Variants in SCMH1 observed in about 807,000 individuals in gnomAD.
SCMH1 encodes Scm polycomb group protein homolog 1, also known as polycomb protein SCMH1.
Under a neutral mutation model 70.8 loss-of-function variants are expected in SCMH1, and 37 were observed. That is an observed-to-expected ratio of 0.52 (90% confidence interval 0.40 to 0.69). The LOEUF is 0.69. SCMH1 is among the 30% of genes least tolerant of loss of function. The probability of loss-of-function intolerance (pLI) is 0.00; values close to 1 mark genes in which losing one functional copy is unlikely to be tolerated. For missense variants in SCMH1, 607 were observed against 827.3 expected, an observed-to-expected ratio of 0.73 and a Z score of 3.27; for synonymous variants, 292 against 307.4, an observed-to-expected ratio of 0.95 and a Z score of 0.52.
intron 1 of SCMH1, among the ~76,000 whole-genome samples, chr1:41,222,194 G>A (rs542879261): frequency 5.5e-4 from 84 of 151,410 alleles, no homozygotes; most frequent in Non-Finnish European, 1.0e-3. Context: ...ACAAGGGAAG[G>A]GAAGAAGAAG....
At chr1:41,034,672 A>G (rs907486729) in intron 13 of SCMH1, among the ~76,000 whole-genome samples, 8 of 151,858 alleles carry the variant, frequency 5.3e-5, no homozygotes, top group African/African-American at 1.9e-4. Context: ...GAGTCTTCCT[A>G]TACTTTCACA....
At chr1:41,031,536 G>A (rs1277990380) in intron 13 of SCMH1, among the ~76,000 whole-genome samples, 1 of 152,200 alleles carries the variant, frequency 6.6e-6, no homozygotes, top group East Asian at 1.9e-4. Flanking sequence ...GTTGGGCACT[G>A]GGGAGAGGTA....
intron 1 of SCMH1, among the ~76,000 whole-genome samples, chr1:41,236,059 C>CCTTT (rs1662315116): frequency 6.6e-6 from 1 of 151,980 alleles, no homozygotes; most frequent in Non-Finnish European, 1.5e-5. Flanking sequence ...TTTGAACATC[C>CCTTT]CTTTATGCAT....
At chr1:41,033,936 A>G in intron 13 of SCMH1, 47 bp downstream of exon 14, 3 of 1,613,086 alleles carry the variant, frequency 1.9e-6, no homozygotes, top group Non-Finnish European at 8.5e-7. Flanking sequence ...CTCTTCTCAG[A>G]AACAGGGCCT....
chr1:41,054,491 A>G (rs1649491870), intron 10 of SCMH1, among the ~76,000 whole-genome samples: 1 of 152,188 alleles, frequency 6.6e-6, no homozygotes, highest in South Asian at 2.1e-4. Context: ...ATAAATTATG[A>G]AAGGATTTCG....
At chr1:41,225,175 C>T (rs1397798285) in intron 1 of SCMH1, among the ~76,000 whole-genome samples, 1 of 152,146 alleles carries the variant, frequency 6.6e-6, no homozygotes, top group Non-Finnish European at 1.5e-5. Flanking sequence ...TCTCTCTGCA[C>T]CTCCCAACAC....
chr1:41,094,621 G>A (rs1407716751), intron 8 of SCMH1, among the ~76,000 whole-genome samples: 1 of 152,104 alleles, frequency 6.6e-6, no homozygotes, highest in African/African-American at 2.4e-5. Context: ...CAGGCATCAT[G>A]GCTCACGCCT....
At position 41,082,661 on chromosome 1, in the gene SCMH1, G is replaced by A. The variant is rs1660381008; in HGVS notation, c.746-7210C>T. 2.0e-5 allele frequency among the ~76,000 whole-genome samples: 3 copies of A among 152,096 alleles called. No individual in the cohort carries two copies. In the South Asian group the frequency reaches 6.2e-4, roughly 32 times the overall value. On this transcript the variant is annotated intron_variant, in intron 8 of 14. Coordinates refer to ENST00000337495, the Ensembl canonical transcript of SCMH1. ...CATCCTGATACCAAAGCCGGGCAGA[G>A]ACACAACAAAAAAAGAGAATTTTAG...
At chr1:41,241,026 G>T (rs895525276) in intron 1 of SCMH1, among the ~76,000 whole-genome samples, 1 of 152,172 alleles carries the variant, frequency 6.6e-6, no homozygotes, top group Non-Finnish European at 1.5e-5. Flanking sequence ...TATCTTAACA[G>T]CTTCCCATAA....
chr1:41,141,793 T>C (rs1229378189), intron 6 of SCMH1, among the ~76,000 whole-genome samples: 1 of 152,006 alleles, frequency 6.6e-6, no homozygotes, highest in African/African-American at 2.4e-5. Flanking sequence ...TCTAGTTAGA[T>C]TGATTCAAAA....
chr1:41,049,310 A>ATGTGTGTGTGTG (rs3030391), intron 10 of SCMH1, among the ~76,000 whole-genome samples: 10 of 149,892 alleles, frequency 6.7e-5, no homozygotes, highest in South Asian at 2.1e-4. Flanking sequence ...GCAAGGGCAT[A>ATGTGTGTGTGTG]TGTGTGTGTG....
At chr1:41,230,050 G>C (rs765385186) in intron 1 of SCMH1, among the ~76,000 whole-genome samples, 14 of 152,196 alleles carry the variant, frequency 9.2e-5, no homozygotes, top group Admixed American at 3.9e-4. Flanking sequence ...GTGGCACTAT[G>C]TGAGGCTAAG....
intron 1 of SCMH1, among the ~76,000 whole-genome samples, chr1:41,203,414 C>T (rs903188793): frequency 2.0e-5 from 3 of 152,132 alleles, no homozygotes; most frequent in Non-Finnish European, 4.4e-5. Flanking sequence ...ACATGGCTAT[C>T]AAAAACACAG....
In SCMH1 at chr1:41,075,206, A is replaced by C; in HGVS notation, c.978+13T>G. On this transcript the variant is annotated intron_variant, in intron 9 of 14. Coordinates refer to ENST00000337495, the Ensembl canonical transcript of SCMH1. ...ACCCTTATTCCTTTCTGGGAAACCC[A>C]CATTTTACCTACCTTGCTGCCAGGT... 2 of 1,613,476 alleles carry C rather than the reference A, an allele frequency of 1.2e-6. No homozygotes were observed. The highest frequency in any genetic ancestry group is 1.7e-6 in the Non-Finnish European group (2 of 1,179,482).
intron 4 of SCMH1, among the ~76,000 whole-genome samples, chr1:41,157,845 C>G (rs1645680247): frequency 6.6e-6 from 1 of 152,230 alleles, no homozygotes; most frequent in Non-Finnish European, 1.5e-5. Flanking sequence ...CTGTTCACAT[C>G]ATATCACCAT....
intron 6 of SCMH1, among the ~76,000 whole-genome samples, chr1:41,122,939 GC>G (rs1287836404): frequency 2.0e-4 from 30 of 152,188 alleles, no homozygotes; most frequent in Non-Finnish European, 2.9e-5. Context: ...GGAGCTGCAG[GC>G]CGGGCACAGT....
At chr1:41,109,147 G>T (rs533402514) in intron 8 of SCMH1, among the ~76,000 whole-genome samples, 1 of 152,140 alleles carries the variant, frequency 6.6e-6, no homozygotes, top group Non-Finnish European at 1.5e-5. Flanking sequence ...TCACTCTCTA[G>T]ACTCAGATAT....
intron 1 of SCMH1, among the ~76,000 whole-genome samples, chr1:41,211,883 G>A (rs549771746): frequency 1.5e-4 from 23 of 152,110 alleles, no homozygotes; most frequent in Non-Finnish European, 2.5e-4. Context: ...GAATGAAGCT[G>A]GAAACCATAA....
chr1:41,149,180 A>G (rs1644849457), intron 5 of SCMH1, among the ~76,000 whole-genome samples: 1 of 152,136 alleles, frequency 6.6e-6, no homozygotes, highest in Non-Finnish European at 1.5e-5. Context: ...GACTCCAATT[A>G]CACGTCTATT....
Sources: allele counts gnomAD v4.1 joint callset (sites outside exome capture counted in the v4.1 genomes callset), GRCh38; gene constraint gnomAD v4.1.1; transcripts MANE v1.5; gene names NCBI Gene and HGNC (gene_info 2026-07-23, HGNC 2026-07-21).